Variants in DSEL observed in about 807,000 individuals in gnomAD.
DSEL encodes dermatan sulfate epimerase like, also known as dermatan-sulfate epimerase-like protein.
A neutral mutation model predicts 96.6 loss-of-function variants in DSEL; 61 were observed. That is an observed-to-expected ratio of 0.63 (90% CI 0.51 to 0.78). The LOEUF (loss-of-function observed/expected upper bound fraction) is 0.78, where lower values mean the gene tolerates loss of function less well. DSEL is among the 30% of genes least tolerant of loss of function. The probability of loss-of-function intolerance (pLI) is 0.00; values close to 1 mark genes in which losing one functional copy is unlikely to be tolerated. For synonymous variants in DSEL, 514 were observed against 502.0 expected (o/e 1.02, Z -0.32); for missense variants, 1,320 against 1,430.8 (o/e 0.92, Z 1.25).
chr18:67,514,543 A>G lies in DSEL; in HGVS notation c.66T>C (p.Phe22=). 6.2e-7 allele frequency: 1 copy of G among 1,614,160 alleles called. No individual in the cohort carries two copies. The highest frequency in any genetic ancestry group is 8.5e-7 in the Non-Finnish European group (1 of 1,180,020). The change falls in exon 2 of 2, where the codon TTT becomes TTC. Residue 22 remains phenylalanine, a synonymous_variant. Coordinates refer to ENST00000310045, the MANE Select transcript of DSEL (RefSeq NM_032160.3). ...CGGAATAATTGCTCACAGATTCCTC[A>G]AAAGTAGAGAAAGCAAACATCAATA... is the stretch of plus-strand genomic sequence containing the variant. ...LALLMFAFST[F]EESVSNYSEW...
At position 67,508,007 on chromosome 18, in the gene DSEL, C is replaced by T. The variant is rs1020685481; in HGVS notation, c.*2963G>A. 6.6e-6 allele frequency: 1 copy of T among 152,024 alleles called. No homozygotes were observed. The highest frequency in any genetic ancestry group is 2.4e-5 in the African/African-American group (1 of 41,392). 9.4% of individuals were successfully genotyped at this position (152,024 alleles called of 1,614,324 possible). On this transcript the variant is annotated 3_prime_UTR_variant, in exon 2 of 2. Coordinates refer to ENST00000310045, the MANE Select transcript of DSEL (RefSeq NM_032160.3). Reference sequence around the variant, plus strand: ...AATTATCATTATATTTGTTACTTCACTTTTGTCAGCAAAATTAATAAGTCC... The same window carrying T: ...AATTATCATTATATTTGTTACTTCATTTTTGTCAGCAAAATTAATAAGTCC...
At position 67,515,507 on chromosome 18, in the gene DSEL, C is replaced by CA. The variant is rs1183418884; in HGVS notation, c.-884-16dup. On this transcript the variant is annotated splice_polypyrimidine_tract_variant and intron_variant, in intron 1 of 1. Transcript: ENST00000310045. ...ATGACACTTTTCTGGGGATGGGGGA[C>CA]AAAATAAAAATTCTCTGAGGCTTCA... 6.0e-6 allele frequency: 1 copy of CA among 166,346 alleles called. No individual in the cohort carries two copies. Among genetic ancestry groups the CA allele is most frequent in the African/African-American group, 2.4e-5 (1 of 41,418 alleles). The allele number at this position is 166,346 out of a possible 1,614,324, so 10.3% of individuals were successfully genotyped here. A position where few individuals can be genotyped will look rare whatever the true frequency, so the allele number is the denominator to read the frequency against.
rs1351541739 is a variant in DSEL at position 67,509,844 on chromosome 18, T to C, written c.*1126A>G. 2 of 152,652 alleles carry C rather than the reference T, an allele frequency of 1.3e-5. No individual in the cohort carries two copies. Among genetic ancestry groups the C allele is most frequent in the African/African-American group, 4.8e-5 (2 of 41,460 alleles). 9.5% of individuals were successfully genotyped at this position (152,652 alleles called of 1,614,324 possible). ...CCACACTTTATGACGACTACATTTA[T>C]AATAAGATGCAGATGGTAAAGGAAA... On this transcript the variant is annotated 3_prime_UTR_variant, in exon 2 of 2. Transcript: ENST00000310045.
rs2089437994 is a variant in DSEL at position 67,510,935 on chromosome 18, TA to T, written c.*34del. On this transcript the variant is annotated 3_prime_UTR_variant, in exon 2 of 2. Transcript: ENST00000310045. ...CATATCCACAAAGTGGGTTGGTAAG[TA>T]TTATTAGTGCAAATTTCTGCTGACC... The T allele has an allele frequency of 2.0e-6, 3 of 1,525,596 alleles. No homozygotes were observed. The highest frequency in any genetic ancestry group is 2.6e-6 in the Non-Finnish European group (3 of 1,138,420). 94.5% of individuals were successfully genotyped at this position (1,525,596 alleles called of 1,614,324 possible).
At position 67,511,939 on chromosome 18, in the gene DSEL, A is replaced by C. The variant is rs755739573; in HGVS notation, c.2670T>G (p.Ile890Met). 3 of 1,614,200 alleles carry C rather than the reference A, an allele frequency of 1.9e-6. No individual in the cohort carries two copies. In the Admixed American group the frequency reaches 5.0e-5, roughly 27 times the overall value. The change falls in exon 2 of 2, where the codon ATT becomes ATG. Residue 890 changes from isoleucine to methionine, a missense_variant. Transcript: ENST00000310045. ...YIRVPTAYID[I>M]PETELEIDSF... The stretch of plus-strand genomic sequence containing the variant: ...AGTCGATTTCCAACTCAGTTTCAGG[A>C]ATATCAATGTAGGCTGTAGGAACCC...
At position 67,512,291 on chromosome 18, in the gene DSEL, T is replaced by C. The variant is rs762067242; in HGVS notation, c.2318A>G (p.Asn773Ser). The C allele has an allele frequency of 6.2e-7, 1 of 1,614,162 alleles. No homozygotes were observed. The highest frequency in any genetic ancestry group is 2.2e-5 in the East Asian group (1 of 44,886). The change falls in exon 2 of 2, where the codon AAT becomes AGT. Residue 773 changes from asparagine to serine, a missense_variant. Asn to Ser is a conservative substitution (Grantham distance 46, BLOSUM62 1). Around this residue, in one of 3 missense-constraint regions of DSEL, gnomAD observed 986 missense variants for 1,066.4 expected, o/e 0.92. Transcript: ENST00000310045. Reference protein sequence around the residue: ...RIIFPFGFKFNIAVGLILCIS... With the variant: ...RIIFPFGFKFSIAVGLILCIS... Reference sequence around the variant, plus strand: ...GCACAAAATTAATCCAACTGCTATATTAAATTTAAATCCAAAGGGGAAAAT... The same window carrying C: ...GCACAAAATTAATCCAACTGCTATACTAAATTTAAATCCAAAGGGGAAAAT...
At position 67,511,338 on chromosome 18, in the gene DSEL, AT is replaced by A. The variant is rs2089440741; in HGVS notation, c.3270del (p.Lys1090AsnfsTer15). On this transcript the variant is annotated frameshift_variant, in exon 2 of 2. Transcript: ENST00000310045. LOFTEE classifies it high-confidence loss of function. ...AAGAGGGACACTGCATTTGATTTGG[AT>A]TTTGATAATTCTTTCCTCAATGGTT... ...EYEPLRKELSKSKSNAVSLLS... is the reference protein window; with the variant it reads ...EYEPLRKELSXSKSNAVSLLS... The A allele has an allele frequency of 6.2e-7, 1 of 1,605,078 alleles. No individual in the cohort carries two copies. Among genetic ancestry groups the A allele is most frequent in the Admixed American group, 1.7e-5 (1 of 59,998 alleles).
In DSEL at chr18:67,513,485, A is replaced by C; in HGVS notation, c.1124T>G (p.Val375Gly). 6.2e-7 allele frequency: 1 copy of C among 1,614,200 alleles called. No individual in the cohort carries two copies. Among genetic ancestry groups the C allele is most frequent in the Non-Finnish European group, 8.5e-7 (1 of 1,180,046 alleles). Residue 375 changes from valine to glycine, a missense_variant, in exon 2 of 2, where the codon GTT becomes GGT. By Grantham distance (109) the Val-to-Gly change is moderately radical. Coordinates refer to ENST00000310045, the MANE Select transcript of DSEL (RefSeq NM_032160.3). ...ACTCCACCTTTGGGCAGTTGAAGGA[A>C]CCATCGGTCCATCTTTAGGTCGGTG... Reference protein sequence around the residue: ...RKHRPKDGPMVPSTAQRWSTL... With the variant: ...RKHRPKDGPMGPSTAQRWSTL...
At position 67,513,426 on chromosome 18, in the gene DSEL, G is replaced by A; in HGVS notation, c.1183C>T (p.Gln395Ter). The A allele has an allele frequency of 1.2e-6, 2 of 1,614,150 alleles. No individual in the cohort carries two copies. Among genetic ancestry groups the A allele is most frequent in the African/African-American group, 1.3e-5 (1 of 75,032 alleles). Residue 395 changes from glutamine (Q) to a stop codon, truncating the protein, a stop_gained, in exon 2 of 2, where the codon CAG becomes TAG. Transcript: ENST00000310045. LOFTEE classifies it high-confidence loss of function. ...LHTEYIWYDP[Q>*]LTPQPPADYG... Reference sequence around the variant, plus strand: ...TCAGCAGGTGGCTGTGGTGTGAGCTGGGGATCATACCAGATGTATTCAGTG... The same window carrying A: ...TCAGCAGGTGGCTGTGGTGTGAGCTAGGGATCATACCAGATGTATTCAGTG...
In DSEL at chr18:67,512,701, CCAAAA is replaced by C; in HGVS notation, c.1903_1907del (p.Phe635ValfsTer2). The C allele has an allele frequency of 1.9e-6, 3 of 1,614,114 alleles. No homozygotes were observed. The highest frequency in any genetic ancestry group is 1.7e-6 in the Non-Finnish European group (2 of 1,180,034). On this transcript the variant is annotated frameshift_variant, in exon 2 of 2. Transcript: ENST00000310045. LOFTEE classifies it high-confidence loss of function. Reference sequence around the variant, plus strand: ...TGGGACTATTGCCATGATGATCAAACCAAAACATTTTGTAATGTGCATCCCACACA... The same window carrying C: ...TGGGACTATTGCCATGATGATCAAACCATTTTGTAATGTGCATCCCACACA...
rs1171708616 is a variant in DSEL at position 67,509,588 on chromosome 18, A to G, written c.*1382T>C. 1.3e-5 allele frequency: 2 copies of G among 152,206 alleles called. No individual in the cohort carries two copies. The highest frequency in any genetic ancestry group is 2.4e-5 in the African/African-American group (1 of 41,452). 9.4% of individuals were successfully genotyped at this position (152,206 alleles called of 1,614,324 possible). A position where few individuals can be genotyped will look rare whatever the true frequency, so the allele number is the denominator to read the frequency against. On this transcript the variant is annotated 3_prime_UTR_variant, in exon 2 of 2. Transcript: ENST00000310045. ...TCTGGAGGCACATTTTGACATAATA[A>G]TAACTACTGAGAAAGAACCACTTTT... is the stretch of plus-strand genomic sequence containing the variant.
Position 67,507,467 on chromosome 18 carries a change from A to G in DSEL, c.*3503T>C, listed in dbSNP as rs1409023497. ...ACAAATGAAAACGTTTCTATTTCTG[A>G]TCAAAGTTAATCAAGCCAAACAAAG... On this transcript the variant is annotated 3_prime_UTR_variant, in exon 2 of 2. Transcript: ENST00000310045. The G allele has an allele frequency of 5.9e-5, 9 of 151,666 alleles. No homozygotes were observed. The highest frequency in any genetic ancestry group is 5.9e-4 in the Admixed American group (9 of 15,188). The allele number at this position is 151,666 out of a possible 1,614,324, so 9.4% of individuals were successfully genotyped here.
Position 67,513,477 on chromosome 18 carries a change from T to C in DSEL, c.1132A>G (p.Thr378Ala), listed in dbSNP as rs190938093. 4.6e-5 allele frequency: 75 copies of C among 1,614,192 alleles called. 1 individual carries two copies. Among genetic ancestry groups the C allele is most frequent in the Admixed American group, 4.3e-4 (26 of 60,022 alleles). ...TGAAGAGTACTCCACCTTTGGGCAGTTGAAGGAACCATCGGTCCATCTTTA... is the reference window on the plus strand; with the variant it reads ...TGAAGAGTACTCCACCTTTGGGCAGCTGAAGGAACCATCGGTCCATCTTTA... ...RPKDGPMVPS[T>A]AQRWSTLHTE... The change falls in exon 2 of 2, where the codon ACT becomes GCT. Residue 378 changes from threonine (T) to alanine (A), a missense_variant. By Grantham distance (58) the Thr-to-Ala change is moderately conservative. Transcript: ENST00000310045.
In DSEL at chr18:67,511,679, G is replaced by T. The variant is rs1198235094; in HGVS notation, c.2930C>A (p.Ala977Asp). 6.2e-7 allele frequency: 1 copy of T among 1,613,934 alleles called. No individual in the cohort carries two copies. Among genetic ancestry groups the T allele is most frequent in the East Asian group, 2.2e-5 (1 of 44,892 alleles). Residue 977 changes from alanine (A) to aspartate (D), a missense_variant, in exon 2 of 2, where the codon GCC (alanine) becomes GAC (aspartate). Physicochemically the swap from Ala to Asp is moderately radical, Grantham distance 126. This residue lies in a region of DSEL where 986 missense variants were observed against 1,066.4 expected (regional missense o/e 0.92). Coordinates refer to ENST00000310045, the MANE Select transcript of DSEL (RefSeq NM_032160.3). The part of the protein sequence containing the change: ...LPEQRSQMKG[A>D]FDRDAEYIRA... ...AATATATTCAGCATCTCTATCAAAGGCGCCTTTCATTTGACTTCTTTGTTC... is the reference window on the plus strand; with the variant it reads ...AATATATTCAGCATCTCTATCAAAGTCGCCTTTCATTTGACTTCTTTGTTC...
At position 67,507,921 on chromosome 18, in the gene DSEL, TGA is replaced by T. The variant is rs1467623254; in HGVS notation, c.*3047_*3048del. On this transcript the variant is annotated 3_prime_UTR_variant, in exon 2 of 2. Transcript: ENST00000310045. ...TCTGAGTTTTCATTAAATTCAACTC[TGA>T]ATATGGCCTTTTTATTTCATCTTGA... The T allele has an allele frequency of 6.6e-6, 1 of 152,234 alleles. No individual in the cohort carries two copies. The highest frequency in any genetic ancestry group is 1.5e-5 in the Non-Finnish European group (1 of 68,046). 9.4% of individuals were successfully genotyped at this position (152,234 alleles called of 1,614,324 possible). A position where few individuals can be genotyped will look rare whatever the true frequency, so the allele number is the denominator to read the frequency against.
At position 67,511,606 on chromosome 18, in the gene DSEL, C is replaced by A. The variant is rs147867124; in HGVS notation, c.3003G>T (p.Val1001=). 1.9e-6 allele frequency: 3 copies of A among 1,614,022 alleles called. No homozygotes were observed. The highest frequency in any genetic ancestry group is 2.7e-5 in the African/African-American group (2 of 74,916). The change falls in exon 2 of 2, where the codon GTG becomes GTT. Residue 1001 remains valine, a synonymous_variant. Transcript: ENST00000310045. ...TCCAGCTTCCACTGCTTAAACTGAG[C>A]ACAGGACGTGCACTTGGATAGTAAA... ...HLVYYPSARP[V]LSLSSGSWTL... is the part of the protein sequence containing the mutation.
rs139752903 is a variant in DSEL, at chr18:67,511,579, C to T, written c.3030G>A (p.Thr1010=). ...CTTCCTGAAAAAAATGAAGCTTTAA[C>T]GTCCAGCTTCCACTGCTTAAACTGA... The part of the protein sequence containing the change: ...PVLSLSSGSW[T]LKLHFFQEVL... Residue 1010 remains threonine (T), a synonymous_variant, in exon 2 of 2, where the codon ACG becomes ACA. Coordinates refer to ENST00000310045, the MANE Select transcript of DSEL (RefSeq NM_032160.3). 36 of 1,613,416 alleles carry T rather than the reference C, an allele frequency of 2.2e-5. No homozygotes were observed. The East Asian group carries it at 6.0e-4, about 27-fold the overall frequency.
chr18:67,511,592 C>T lies in DSEL; in HGVS notation c.3017G>A (p.Ser1006Asn). Residue 1006 changes from serine (S) to asparagine (N), a missense_variant, in exon 2 of 2, where the codon AGT (serine) becomes AAT (asparagine). Transcript: ENST00000310045. ...ATGAAGCTTTAACGTCCAGCTTCCA[C>T]TGCTTAAACTGAGCACAGGACGTGC... ...PSARPVLSLS[S>N]GSWTLKLHFF... 6.2e-7 allele frequency: 1 copy of T among 1,613,628 alleles called. No individual in the cohort carries two copies. Among genetic ancestry groups the T allele is most frequent in the Non-Finnish European group, 8.5e-7 (1 of 1,179,910 alleles).
Position 67,512,657 on chromosome 18 carries a change from G to C in DSEL, c.1952C>G (p.Ala651Gly). 1 of 1,614,108 alleles carries C rather than the reference G, an allele frequency of 6.2e-7. No homozygotes were observed. Among genetic ancestry groups the C allele is most frequent in the Non-Finnish European group, 8.5e-7 (1 of 1,180,024 alleles). ...GNSPMASIQE[A>G]EQAAEFKKRW... The stretch of plus-strand genomic sequence containing the variant: ...TTTTTTAAATTCAGCAGCTTGCTCT[G>C]CTTCCTGTATACTGGCCATGGGACT... The change falls in exon 2 of 2, where the codon GCA becomes GGA. Residue 651 changes from alanine to glycine, a missense_variant. Around this residue, in one of 3 missense-constraint regions of DSEL, gnomAD observed 986 missense variants for 1,066.4 expected, o/e 0.92. Coordinates refer to ENST00000310045, the MANE Select transcript of DSEL (RefSeq NM_032160.3).
Sources: gnomAD v4.1 joint callset for allele counts on GRCh38, gnomAD v4.1.1 for gene constraint, gnomAD v4.1.1 regional missense constraint, MANE v1.5 for transcripts, NCBI Gene and HGNC (gene_info 2026-07-23, HGNC 2026-07-21) for gene names.